CFAP54: variants seen among roughly 807,000 people sequenced by gnomAD.
CFAP54 encodes cilia- and flagella-associated protein 54.
Under a neutral mutation model 370.4 loss-of-function variants are expected in CFAP54, and 290 were observed. That is an observed-to-expected ratio of 0.78 (90% CI 0.71 to 0.86). The LOEUF (loss-of-function observed/expected upper bound fraction) is 0.86. Ranked by LOEUF, CFAP54 falls within the 40% of genes least tolerant of loss-of-function variation. CFAP54 has a pLI of 0.00. For missense variants in CFAP54, 3,399 were observed against 3,528.7 expected, an observed-to-expected ratio of 0.96 and a Z score of 0.93; for synonymous variants, 1,206 against 1,236.5, an observed-to-expected ratio of 0.98 and a Z score of 0.52.
At chr12:96,791,889 G>A (rs115834544) in intron 62 of CFAP54, among the ~76,000 whole-genome samples, 2,266 of 142,594 alleles carry the variant, frequency 0.016, 75 homozygotes, top group African/African-American at 0.057. Context: ...TTGCCCTCTC[G>A]CCCAATCTGG....
At chr12:96,667,179 G>T (rs1055419750) in intron 39 of CFAP54, among the ~76,000 whole-genome samples, 12 of 152,148 alleles carry the variant, frequency 7.9e-5, no homozygotes, top group Non-Finnish European at 2.9e-5. Context: ...TTCACAGGCT[G>T]GTGTTGAGTG....
chr12:96,643,644 A>G (rs879563194), intron 32 of CFAP54, among the ~76,000 whole-genome samples: 19 of 152,090 alleles, frequency 1.2e-4, no homozygotes, highest in Admixed American at 8.5e-4. Flanking sequence ...AATCTAAACT[A>G]TTAGCTAAAA....
chr12:96,638,771 T>G (rs1956691071), intron 32 of CFAP54, among the ~76,000 whole-genome samples: 1 of 152,212 alleles, frequency 6.6e-6, no homozygotes, highest in Non-Finnish European at 1.5e-5. Context: ...CCTTTTCCCC[T>G]TTTCCTTTTT....
chr12:96,577,443 A>G (rs147315366), intron 20 of CFAP54, among the ~76,000 whole-genome samples: 5 of 152,272 alleles, frequency 3.3e-5, no homozygotes, highest in African/African-American at 4.8e-5. Context: ...GATCAACAAC[A>G]TGCTCTTTGA....
chr12:96,836,778 A>G (rs1003926219), intron 66 of CFAP54, among the ~76,000 whole-genome samples: 2 of 152,150 alleles, frequency 1.3e-5, no homozygotes, highest in African/African-American at 4.8e-5. Flanking sequence ...TCCATTTTAT[A>G]TGGTTGAATT....
intron 65 of CFAP54, among the ~76,000 whole-genome samples, chr12:96,826,762 A>AT (rs546532941): frequency 8.9e-6 from 1 of 111,974 alleles, no homozygotes; most frequent in African/African-American, 3.7e-5. Context: ...AATACATATT[A>AT]ATATATTATA....
chr12:96,538,594 A>G, intron 13 of CFAP54, 76 bp downstream of exon 13: 1 of 1,443,494 alleles, frequency 6.9e-7, no homozygotes, highest in East Asian at 2.5e-5. Flanking sequence ...TTTCAAATCT[A>G]AATTTTTCCT....
intron 62 of CFAP54, among the ~76,000 whole-genome samples, chr12:96,789,856 G>A (rs1258011023): frequency 6.6e-6 from 1 of 152,128 alleles, no homozygotes; most frequent in Non-Finnish European, 1.5e-5. Flanking sequence ...TCGTTTCACT[G>A]GGGTAGACAG....
intron 17 of CFAP54, among the ~76,000 whole-genome samples, chr12:96,558,263 A>G (rs1163691385): frequency 1.3e-5 from 2 of 152,180 alleles, no homozygotes; most frequent in Non-Finnish European, 2.9e-5. Flanking sequence ...CAAAAGAATT[A>G]ACATTCAACA....
chr12:96,781,812 A>C (rs2136690748), intron 60 of CFAP54, among the ~76,000 whole-genome samples: 1 of 152,264 alleles, frequency 6.6e-6, no homozygotes, highest in East Asian at 1.9e-4. Context: ...GTCACTAGAT[A>C]TATTTTCTAA....
intron 19 of CFAP54, among the ~76,000 whole-genome samples, chr12:96,575,540 TAATCAC>T (rs1308170203): frequency 6.6e-6 from 1 of 152,006 alleles, no homozygotes; most frequent in Non-Finnish European, 1.5e-5. Context: ...GGAGGAGTAG[TAATCAC>T]AATCATAATC....
At chr12:96,757,734 A>G (rs778641959) in intron 58 of CFAP54, 146 bp downstream of exon 58, 80 of 517,612 alleles carry the variant, frequency 1.5e-4, no homozygotes, top group Non-Finnish European at 2.2e-4. Context: ...ACTTGTAACT[A>G]TGTTACAAAG....
At chr12:96,664,691 A>G (rs866890351) in intron 39 of CFAP54, among the ~76,000 whole-genome samples, 1,905 of 15,418 alleles carry the variant, frequency 0.12, 122 homozygotes, top group African/African-American at 0.34. Flanking sequence ...TCCTTTGGGT[A>G]TATATCTATA....
chr12:96,855,068 G>C (rs1309695657), intron 66 of CFAP54, among the ~76,000 whole-genome samples: 1 of 152,138 alleles, frequency 6.6e-6, no homozygotes, highest in Admixed American at 6.5e-5. Flanking sequence ...TCACATGGGG[G>C]CAGCAAGGAG....
intron 60 of CFAP54, among the ~76,000 whole-genome samples, chr12:96,772,453 T>A (rs1958472426): frequency 6.6e-6 from 1 of 152,170 alleles, no homozygotes; most frequent in Admixed American, 6.5e-5. Flanking sequence ...GCGTAGCATC[T>A]CCAAATCTCT....
rs114229418 is a variant in CFAP54, at chr12:96,794,423, T to A, written c.8850+1924T>A. Among the ~76,000 whole-genome samples the A allele has an allele frequency of 1.2e-4, 18 of 148,282 alleles. No individual in the cohort carries two copies. In the East Asian group the frequency reaches 3.5e-3, roughly 29 times the overall value. ...CATAATCCCAAACTTCTTGGAGATG[T>A]TGTTCTTTTTTTATTCTTTTTTTTT... On this transcript the variant is annotated intron_variant, in intron 63 of 67. Coordinates refer to ENST00000524981, the MANE Select transcript of CFAP54 (RefSeq NM_001306084.2).
At chr12:96,559,503 TATCCACATAACCTTCACCTAA>T (rs761783081) in intron 17 of CFAP54, among the ~76,000 whole-genome samples, 9 of 152,160 alleles carry the variant, frequency 5.9e-5, no homozygotes, top group Non-Finnish European at 1.2e-4. Flanking sequence ...GTGTAGTGAC[TATCCACATAACCTTCACCTAA>T]ATCCACCAAT....
At chr12:96,759,291 GAA>G (rs35885233) in intron 58 of CFAP54, among the ~76,000 whole-genome samples, 53,955 of 141,542 alleles carry the variant, frequency 0.38, 10,387 homozygotes, top group East Asian at 0.59. Flanking sequence ...TCCAGTAACA[GAA>G]AAAAAAAAAA....
intron 19 of CFAP54, among the ~76,000 whole-genome samples, chr12:96,569,778 G>T (rs1283493845): frequency 1.3e-5 from 2 of 152,122 alleles, no homozygotes; most frequent in African/African-American, 4.8e-5. Context: ...AAATTCAGGG[G>T]TATTAGCAGT....
Sources: allele counts gnomAD v4.1 joint callset (sites outside exome capture counted in the v4.1 genomes callset), GRCh38; gene constraint gnomAD v4.1.1; transcripts MANE v1.5; gene names NCBI Gene and HGNC (gene_info 2026-07-23, HGNC 2026-07-21).